ABTB2: variants seen among roughly 807,000 people sequenced by gnomAD.
ABTB2 encodes ankyrin repeat and BTB/POZ domain-containing protein 2.
ABTB2 carries 56 observed loss-of-function variants against 104.1 expected under a neutral mutation model. The ratio of observed to expected loss-of-function variants is 0.54; its 90% CI spans 0.43 to 0.67. The LOEUF is 0.67. Ranked by LOEUF, ABTB2 falls within the 30% of genes least tolerant of loss-of-function variation. The pLI is 0.00. For synonymous variants in ABTB2, 606 were observed against 608.2 expected, an observed-to-expected ratio of 1.00 and a Z score of 0.05; for missense variants, 1,279 against 1,407.7, an observed-to-expected ratio of 0.91 and a Z score of 1.46.
intron 1 of ABTB2, among the ~76,000 whole-genome samples, chr11:34,316,568 G>A (rs1021200691): frequency 3.9e-5 from 6 of 152,124 alleles, no homozygotes; most frequent in Non-Finnish European, 7.3e-5. Flanking sequence ...CGTGTTTGTC[G>A]CAAATATTTC....
At chr11:34,250,674 C>A (rs1354990411) in intron 1 of ABTB2, among the ~76,000 whole-genome samples, 1 of 152,202 alleles carries the variant, frequency 6.6e-6, no homozygotes, top group Non-Finnish European at 1.5e-5. Context: ...AGAGCAATTC[C>A]TCCCAATCCT....
Position 34,164,568 on chromosome 11 carries a change from CCT to C in ABTB2, c.1988+116_1988+117del, listed in dbSNP as rs1345123123. On this transcript the variant is annotated intron_variant, in intron 9 of 16. Coordinates refer to ENST00000435224, the MANE Select transcript of ABTB2 (RefSeq NM_145804.3). ...TTCTGGTTTACTAGCACACAGGCCC[CCT>C]GTTTTGGGAAAGGTCTCCGGGCCTA... 12 of 1,234,006 alleles carry C rather than the reference CCT, an allele frequency of 9.7e-6. No individual in the cohort carries two copies. In the African/African-American group the frequency reaches 1.3e-4, roughly 13 times the overall value. 76.4% of individuals were successfully genotyped at this position (1,234,006 alleles called of 1,614,324 possible). A position where few individuals can be genotyped will look rare whatever the true frequency, so the allele number is the denominator to read the frequency against.
intron 3 of ABTB2, among the ~76,000 whole-genome samples, chr11:34,191,269 A>G (rs1853171511): frequency 6.6e-6 from 1 of 152,192 alleles, no homozygotes; most frequent in African/African-American, 2.4e-5. Flanking sequence ...CCAGTCTCTT[A>G]AAGAGAAAAA....
At chr11:34,199,689 T>A (rs1853311906) in intron 2 of ABTB2, among the ~76,000 whole-genome samples, 1 of 152,186 alleles carries the variant, frequency 6.6e-6, no homozygotes, top group African/African-American at 2.4e-5. Flanking sequence ...GGCGATTCCT[T>A]ACAGAGAAAG....
At chr11:34,277,016 C>G (rs1418430011) in intron 1 of ABTB2, among the ~76,000 whole-genome samples, 1 of 152,182 alleles carries the variant, frequency 6.6e-6, no homozygotes, top group Admixed American at 6.5e-5. Context: ...ATTCTCCTGC[C>G]TCAGCCTTCT....
chr11:34,301,731 C>T (rs916909655), intron 1 of ABTB2, among the ~76,000 whole-genome samples: 1 of 152,194 alleles, frequency 6.6e-6, no homozygotes, highest in Non-Finnish European at 1.5e-5. Context: ...TGCCTGTAAT[C>T]CCAACACCTT....
chr11:34,304,461 C>G (rs564445228), intron 1 of ABTB2, among the ~76,000 whole-genome samples: 4 of 152,266 alleles, frequency 2.6e-5, no homozygotes, highest in Admixed American at 2.0e-4. Flanking sequence ...GTGCTTCCTA[C>G]AAATGAATGG....
intron 1 of ABTB2, among the ~76,000 whole-genome samples, chr11:34,263,325 G>A (rs117907997): frequency 1.3e-5 from 2 of 152,202 alleles, no homozygotes; most frequent in South Asian, 4.2e-4. Flanking sequence ...ATTAACAAAG[G>A]CTCTGTGGGG....
intron 1 of ABTB2, among the ~76,000 whole-genome samples, chr11:34,208,931 A>G (rs1853442742): frequency 6.6e-6 from 1 of 151,424 alleles, no homozygotes; most frequent in Non-Finnish European, 1.5e-5. Context: ...CCCTGCCTCC[A>G]GGCTTACCCC....
chr11:34,246,316 C>G (rs180721732), intron 1 of ABTB2, among the ~76,000 whole-genome samples: 4 of 152,188 alleles, frequency 2.6e-5, no homozygotes, highest in Admixed American at 6.5e-5. Flanking sequence ...AATGACAAAT[C>G]TTGGGCTGGG....
chr11:34,197,686 G>A (rs954842761), intron 2 of ABTB2, 148 bp from the exon 3 acceptor site: 38 of 625,250 alleles, frequency 6.1e-5, no homozygotes, highest in Admixed American at 5.1e-4. Context: ...GCCAACAGGC[G>A]GAGGTGGAAA....
At chr11:34,231,680 C>A (rs761303282) in intron 1 of ABTB2, among the ~76,000 whole-genome samples, 1 of 152,172 alleles carries the variant, frequency 6.6e-6, no homozygotes, top group Non-Finnish European at 1.5e-5. Context: ...AAGCGATTCT[C>A]CTGCCTCAGC....
chr11:34,251,941 G>C (rs900758797), intron 1 of ABTB2, among the ~76,000 whole-genome samples: 4 of 152,308 alleles, frequency 2.6e-5, no homozygotes, highest in Admixed American at 2.6e-4. Context: ...CAGTGGAGGA[G>C]ACTTTCCTCA....
At chr11:34,184,660 G>A (rs1853074759) in intron 3 of ABTB2, among the ~76,000 whole-genome samples, 1 of 152,230 alleles carries the variant, frequency 6.6e-6, no homozygotes, top group South Asian at 2.1e-4. Flanking sequence ...CCCCAGCATG[G>A]CTGCCCCAGC....
Position 34,333,961 on chromosome 11 carries a change from G to C in ABTB2, c.883+22740C>G, listed in dbSNP as rs80318837. Reference sequence around the variant, plus strand: ...TGGGATCTGCAAGCACATGACTGATGTGTCTCAAACATCTTGGTGCTTCCC... The same window carrying C: ...TGGGATCTGCAAGCACATGACTGATCTGTCTCAAACATCTTGGTGCTTCCC... On this transcript the variant is annotated intron_variant, in intron 1 of 16. Transcript: ENST00000435224. 3.1e-3 allele frequency among the ~76,000 whole-genome samples: 468 copies of C among 150,382 alleles called. 3 individuals carry two copies. Among genetic ancestry groups the C allele is most frequent in the African/African-American group, 0.011 (439 of 40,832 alleles).
intron 3 of ABTB2, among the ~76,000 whole-genome samples, chr11:34,197,051 T>C (rs1853266451): frequency 6.6e-6 from 1 of 152,172 alleles, no homozygotes. Context: ...GAGAGCCCAG[T>C]GAGCTCATGC....
intron 1 of ABTB2, among the ~76,000 whole-genome samples, chr11:34,325,337 T>C (rs1179262636): frequency 6.6e-6 from 1 of 152,162 alleles, no homozygotes; most frequent in Non-Finnish European, 1.5e-5. Flanking sequence ...TACCTTCCAG[T>C]ATGTGTTCTT....
rs1429128265 is a variant in ABTB2, at chr11:34,151,255, G to A, written c.*1132C>T. The A allele has an allele frequency of 6.6e-6, 1 of 152,284 alleles. No individual in the cohort carries two copies. Among genetic ancestry groups the A allele is most frequent in the Non-Finnish European group, 1.5e-5 (1 of 68,030 alleles). 9.4% of individuals were successfully genotyped at this position (152,284 alleles called of 1,614,324 possible). Reference sequence around the variant, plus strand: ...AAGGTGCGGCCAGACAGCTGAAGAAGTTGCACCCAGACAGACTGTGCCTGA... The same window carrying A: ...AAGGTGCGGCCAGACAGCTGAAGAAATTGCACCCAGACAGACTGTGCCTGA... On this transcript the variant is annotated 3_prime_UTR_variant, in exon 17 of 17. Coordinates refer to ENST00000435224, the MANE Select transcript of ABTB2 (RefSeq NM_145804.3).
At chr11:34,229,134 A>AAAAAG (rs537214230) in intron 1 of ABTB2, among the ~76,000 whole-genome samples, 20,166 of 144,284 alleles carry the variant, frequency 0.14, 1,776 homozygotes, top group East Asian at 0.25. Context: ...AAAAAAAAAA[A>AAAAAG]AGAGAAAAAA....
Sources: gnomAD v4.1 joint callset for allele counts (sites outside exome capture counted in the v4.1 genomes callset) on GRCh38, gnomAD v4.1.1 for gene constraint, MANE v1.5 for transcripts, NCBI Gene and HGNC (gene_info 2026-07-23, HGNC 2026-07-21) for gene names.